Variants in SDCBP2 observed in about 807,000 individuals in gnomAD.
SDCBP2 encodes syntenin-2.
SDCBP2 carries 28 observed loss-of-function variants against 30.7 expected under a neutral mutation model. That is an observed-to-expected ratio of 0.91 (90% CI 0.68 to 1.25). The LOEUF (loss-of-function observed/expected upper bound fraction) is 1.25. Ranked by LOEUF, SDCBP2 falls within the 50% of genes most tolerant of loss-of-function variation. The pLI is 0.00. For missense variants in SDCBP2, 399 were observed against 379.0 expected, an observed-to-expected ratio of 1.05 and a Z score of -0.44; for synonymous variants, 166 against 157.3, an observed-to-expected ratio of 1.06 and a Z score of -0.41.
chr20:1,327,627 C>T (rs956223222), intron 1 of SDCBP2, among the ~76,000 whole-genome samples: 2 of 152,248 alleles, frequency 1.3e-5, no homozygotes, highest in Non-Finnish European at 2.9e-5. Flanking sequence ...AGACTGACTG[C>T]TTCTGACTTG....
In SDCBP2 at chr20:1,313,003, C is replaced by T. The variant is rs983814567; in HGVS notation, c.385-241G>A. On this transcript the variant is annotated intron_variant, in intron 5 of 8. Coordinates refer to ENST00000360779, the MANE Select transcript of SDCBP2 (RefSeq NM_080489.5). This position sits in a 1 kb window ranked among gnomAD's most constrained non-coding sequence, Gnocchi z 5.2. Reference sequence around the variant, plus strand: ...CCTGGGGCTGCACTCCGAAACACTCCACTGTACCATTCACAAAGGCATGGG... The same window carrying T: ...CCTGGGGCTGCACTCCGAAACACTCTACTGTACCATTCACAAAGGCATGGG... 1.7e-6 allele frequency: 1 copy of T among 595,216 alleles called. No individual in the cohort carries two copies. 36.9% of individuals were successfully genotyped at this position (595,216 alleles called of 1,614,324 possible).
chr20:1,320,209 T>C lies in SDCBP2; in HGVS notation c.54+154A>G, dbSNP rs565020045. ...CTGTAACGCCATTGGCATTGCCCCC[T>C]GGATGTCTTCTCTGCCCAGCAGGCC... On this transcript the variant is annotated intron_variant, in intron 2 of 8. Coordinates refer to ENST00000360779, the MANE Select transcript of SDCBP2 (RefSeq NM_080489.5). This position sits in a 1 kb window ranked among gnomAD's most constrained non-coding sequence, Gnocchi z 4.7. Among the ~76,000 whole-genome samples the C allele has an allele frequency of 6.5e-4, 99 of 152,322 alleles. No individual in the cohort carries two copies. The highest frequency in any genetic ancestry group is 2.3e-3 in the African/African-American group (97 of 41,582).
rs1031459596 is a variant in SDCBP2, at chr20:1,310,381, G to A, written c.*60C>T. The A allele has an allele frequency of 1.5e-5, 23 of 1,559,368 alleles. No homozygotes were observed. The highest frequency in any genetic ancestry group is 2.0e-5 in the Non-Finnish European group (23 of 1,133,840). ...GGCTGCAACCCATCATCCGAGGGTGGTTGCCCTTTGCTGCAGGAGGGCGGG... is the reference window on the plus strand; with the variant it reads ...GGCTGCAACCCATCATCCGAGGGTGATTGCCCTTTGCTGCAGGAGGGCGGG... On this transcript the variant is annotated 3_prime_UTR_variant, in exon 9 of 9. Transcript: ENST00000360779.
At chr20:1,327,290 A>G (rs1188811817) in intron 1 of SDCBP2, among the ~76,000 whole-genome samples, 2 of 152,198 alleles carry the variant, frequency 1.3e-5, no homozygotes, top group African/African-American at 2.4e-5. Context: ...TTCAGCCCCC[A>G]TCTTTGAACT....
rs1178830333 is a variant in SDCBP2, at chr20:1,313,294, C to T, written c.384+46G>A. 6 of 1,574,852 alleles carry T rather than the reference C, an allele frequency of 3.8e-6. No homozygotes were observed. The highest frequency in any genetic ancestry group is 2.3e-5 in the East Asian group (1 of 43,492). On this transcript the variant is annotated intron_variant, in intron 5 of 8. Coordinates refer to ENST00000360779, the MANE Select transcript of SDCBP2 (RefSeq NM_080489.5). The surrounding 1 kb of genome is among the most constrained non-coding windows in gnomAD (Gnocchi z 5.2). ...TGAGCTCTGAGGCCTGGCGGGAGAG[C>T]GCGTGCAGCTCGAGCTCCTCTTCCC... is the stretch of plus-strand genomic sequence containing the variant.
At position 1,313,718 on chromosome 20, in the gene SDCBP2, G is replaced by A. The variant is rs2088724751; in HGVS notation, c.226-220C>T. Reference sequence around the variant, plus strand: ...CATGCCCTTAAAAAGCCAGGAAAACGGGGAGGGAAGGGGCGAGGATACAGG... The same window carrying A: ...CATGCCCTTAAAAAGCCAGGAAAACAGGGAGGGAAGGGGCGAGGATACAGG... On this transcript the variant is annotated intron_variant, in intron 4 of 8. Coordinates refer to ENST00000360779, the MANE Select transcript of SDCBP2 (RefSeq NM_080489.5). The surrounding 1 kb of genome is among the most constrained non-coding windows in gnomAD (Gnocchi z 5.2). 8.0e-7 allele frequency: 1 copy of A among 1,245,554 alleles called. No homozygotes were observed. The highest frequency in any genetic ancestry group is 1.0e-6 in the Non-Finnish European group (1 of 964,688). 77.2% of individuals were successfully genotyped at this position (1,245,554 alleles called of 1,614,324 possible).
chr20:1,310,970 C>T, intron 7 of SDCBP2, 79 bp from the exon 8 acceptor site: 1 of 1,029,030 alleles, frequency 9.7e-7, no homozygotes, highest in Non-Finnish European at 1.5e-6. Context: ...GTGGAGGGAT[C>T]AGCATGGCCA....
At chr20:1,311,842 T>C (rs1600274503) in intron 7 of SDCBP2, among the ~76,000 whole-genome samples, 1 of 151,802 alleles carries the variant, frequency 6.6e-6, no homozygotes, top group East Asian at 1.9e-4. Context: ...CAATAGCTAT[T>C]ATGTATTAAG....
Position 1,313,939 on chromosome 20 carries a change from T to C in SDCBP2, c.226-441A>G, listed in dbSNP as rs2088728836. Among the ~76,000 whole-genome samples the C allele has an allele frequency of 6.6e-6, 1 of 151,970 alleles. No individual in the cohort carries two copies. The highest frequency in any genetic ancestry group is 1.9e-4 in the East Asian group (1 of 5,176). On this transcript the variant is annotated intron_variant, in intron 4 of 8. Transcript: ENST00000360779. The surrounding 1 kb of genome is among the most constrained non-coding windows in gnomAD (Gnocchi z 5.2). ...AGGAACTTCACTCTCCCAACACTAT[T>C]AAAGATGGTACTGGAAGACCTAGCC...
At position 1,313,579 on chromosome 20, in the gene SDCBP2, T is replaced by C; in HGVS notation, c.226-81A>G. The C allele has an allele frequency of 6.8e-7, 1 of 1,461,456 alleles. No individual in the cohort carries two copies. The highest frequency in any genetic ancestry group is 9.0e-7 in the Non-Finnish European group (1 of 1,107,538). 90.5% of individuals were successfully genotyped at this position (1,461,456 alleles called of 1,614,324 possible). A position where few individuals can be genotyped will look rare whatever the true frequency, so the allele number is the denominator to read the frequency against. Reference sequence around the variant, plus strand: ...GGAGACACTGGGGTGGGGGTAGGGATGGGGAAAGGAGGATGGAGCCGTCCC... The same window carrying C: ...GGAGACACTGGGGTGGGGGTAGGGACGGGGAAAGGAGGATGGAGCCGTCCC... On this transcript the variant is annotated intron_variant, in intron 4 of 8. Transcript: ENST00000360779. The surrounding 1 kb of genome is among the most constrained non-coding windows in gnomAD (Gnocchi z 5.2).
chr20:1,314,215 G>C (rs559721417), intron 4 of SDCBP2, among the ~76,000 whole-genome samples: 1 of 152,104 alleles, frequency 6.6e-6, no homozygotes, highest in Admixed American at 6.5e-5. Flanking sequence ...CAGGCTGGGC[G>C]TGGTGGCTCA....
chr20:1,324,727 C>T lies in SDCBP2; in HGVS notation c.-19-4292G>A, dbSNP rs1423804100. On this transcript the variant is annotated intron_variant, in intron 1 of 8. Transcript: ENST00000360779. This position sits in a 1 kb window ranked among gnomAD's most constrained non-coding sequence, Gnocchi z 4.7. ...ACCCTGCTCCCCACGGGTGAGTCAC[C>T]CGAACAGCATGCTCACGTCTGTGTA... Among the ~76,000 whole-genome samples the T allele has an allele frequency of 6.6e-6, 1 of 152,122 alleles. No individual in the cohort carries two copies. Among genetic ancestry groups the T allele is most frequent in the Non-Finnish European group, 1.5e-5 (1 of 68,024 alleles).
At chr20:1,317,066 C>T (rs1263690249) in intron 4 of SDCBP2, among the ~76,000 whole-genome samples, 9 of 152,026 alleles carry the variant, frequency 5.9e-5, no homozygotes, top group Admixed American at 6.6e-5. Context: ...AACAGAGGGC[C>T]GGATGCCAGG....
chr20:1,315,079 A>G (rs1293744232), intron 4 of SDCBP2, among the ~76,000 whole-genome samples: 12 of 152,232 alleles, frequency 7.9e-5, no homozygotes, highest in Admixed American at 7.9e-4. Flanking sequence ...AGCGAGAGGA[A>G]TCACCACCAA....
intron 1 of SDCBP2, among the ~76,000 whole-genome samples, chr20:1,328,334 C>G (rs948584974): frequency 6.6e-6 from 1 of 152,084 alleles, no homozygotes; most frequent in Non-Finnish European, 1.5e-5. Context: ...TTTTGACAGG[C>G]CTCCTCTGGC....
At chr20:1,319,527 C>T in intron 3 of SDCBP2, 63 bp downstream of exon 3, 5 of 1,502,024 alleles carry the variant, frequency 3.3e-6, no homozygotes, top group Non-Finnish European at 4.5e-6. Context: ...TGCCAAGCTT[C>T]CCTGATGATC....
intron 4 of SDCBP2, among the ~76,000 whole-genome samples, chr20:1,317,225 A>G (rs1048849823): frequency 6.6e-6 from 1 of 152,140 alleles, no homozygotes; most frequent in African/African-American, 2.4e-5. Context: ...CTAGAGACAC[A>G]CTGTACTCGC....
At chr20:1,311,736 G>A (rs2088672677) in intron 7 of SDCBP2, among the ~76,000 whole-genome samples, 1 of 152,126 alleles carries the variant, frequency 6.6e-6, no homozygotes, top group South Asian at 2.1e-4. Flanking sequence ...ATGGATTTCT[G>A]AATAACGATT....
chr20:1,328,254 G>T (rs1459578345), intron 1 of SDCBP2, among the ~76,000 whole-genome samples: 1 of 152,132 alleles, frequency 6.6e-6, no homozygotes, highest in East Asian at 1.9e-4. Flanking sequence ...TGAGGACTTT[G>T]GCATTTACTG....
Sources: gnomAD v4.1 joint callset for allele counts (sites outside exome capture counted in the v4.1 genomes callset) on GRCh38, gnomAD v4.1.1 for gene constraint, Gnocchi (gnomAD v3.1) non-coding constraint, MANE v1.5 for transcripts, NCBI Gene and HGNC (gene_info 2026-07-23, HGNC 2026-07-21) for gene names.